Variants in ANO4 observed in about 807,000 individuals in gnomAD.
The protein encoded by ANO4 is anoctamin-4.
Under a neutral mutation model 141.9 loss-of-function variants are expected in ANO4, and 69 were observed. The observed-to-expected ratio is 0.49, with a 90% confidence interval of 0.40 to 0.59. The LOEUF is 0.59. ANO4 is among the 20% of genes least tolerant of loss of function. The pLI is 0.00. For synonymous variants in ANO4, 350 were observed against 394.3 expected, an observed-to-expected ratio of 0.89 and a Z score of 1.33; for missense variants, 894 against 1,162.2, an observed-to-expected ratio of 0.77 and a Z score of 3.36.
chr12:100,961,164 T>A (rs2043402094), intron 5 of ANO4, among the ~76,000 whole-genome samples: 1 of 152,216 alleles, frequency 6.6e-6, no homozygotes, highest in Admixed American at 6.5e-5. Context: ...GCCTATGCAC[T>A]AGGCAACACA....
chr12:100,740,218 C>T (rs1178372197), intron 3 of ANO4: 19 of 648,540 alleles, frequency 2.9e-5, no homozygotes, highest in Non-Finnish European at 4.8e-5. Context: ...ATATGATGGA[C>T]CCCAACAATA....
chr12:100,920,008 C>T lies in ANO4; in HGVS notation c.56-2218C>T, dbSNP rs980593562. On this transcript the variant is annotated intron_variant, in intron 2 of 27. Transcript: ENST00000392977. The stretch of plus-strand genomic sequence containing the variant: ...TTAAAAATTCTAGTTATCTAGTAGT[C>T]ATAGCTACTTCTACCTGAGTTTATG... Among the ~76,000 whole-genome samples, 10 of 151,970 alleles carry T rather than the reference C, an allele frequency of 6.6e-5. No individual in the cohort carries two copies. The East Asian group carries it at 1.9e-3, about 29-fold the overall frequency.
At chr12:101,052,286 C>T (rs11110632) in intron 14 of ANO4, among the ~76,000 whole-genome samples, 279 of 151,960 alleles carry the variant, frequency 1.8e-3, no homozygotes, top group Non-Finnish European at 3.5e-3. Flanking sequence ...GCCTGGGTCT[C>T]GGCTGGAATT....
intron 1 of ANO4, among the ~76,000 whole-genome samples, chr12:100,802,012 T>C (rs1399595906): frequency 6.6e-6 from 1 of 152,142 alleles, no homozygotes; most frequent in Admixed American, 6.5e-5. Flanking sequence ...CACCCATCCC[T>C]TTTGCCCTTG....
At chr12:100,973,982 G>A (rs1010460103) in intron 6 of ANO4, among the ~76,000 whole-genome samples, 2 of 152,146 alleles carry the variant, frequency 1.3e-5, no homozygotes, top group Non-Finnish European at 2.9e-5. Flanking sequence ...ACCATTTACA[G>A]AAGTCAGAGA....
intron 5 of ANO4, among the ~76,000 whole-genome samples, chr12:100,964,385 G>C (rs866599117): frequency 6.6e-6 from 1 of 152,130 alleles, no homozygotes; most frequent in Non-Finnish European, 1.5e-5. Context: ...GTATGCAAAA[G>C]CTTTGAAACA....
chr12:100,977,232 C>A (rs1192770678), intron 7 of ANO4, among the ~76,000 whole-genome samples: 1 of 152,068 alleles, frequency 6.6e-6, no homozygotes. Context: ...TTCTTTCTGT[C>A]GTGCTTCTGA....
intron 17 of ANO4, among the ~76,000 whole-genome samples, chr12:101,090,984 C>T (rs866143253): frequency 6.6e-6 from 1 of 152,144 alleles, no homozygotes; most frequent in Non-Finnish European, 1.5e-5. Context: ...TTACAAAGCA[C>T]CTGCTATATG....
intron 7 of ANO4, among the ~76,000 whole-genome samples, chr12:100,978,224 A>G (rs1460275781): frequency 6.6e-6 from 1 of 152,256 alleles, no homozygotes; most frequent in Non-Finnish European, 1.5e-5. Context: ...TGAACAAATG[A>G]ATCTCCACAT....
chr12:101,019,942 C>A, intron 8 of ANO4, 92 bp from the exon 9 acceptor site: 1 of 940,398 alleles, frequency 1.1e-6, no homozygotes, highest in Non-Finnish European at 1.7e-6. Flanking sequence ...TGACTGAAGA[C>A]ATCTGCATCT....
chr12:100,827,032 T>C (rs1249628861), intron 1 of ANO4, among the ~76,000 whole-genome samples: 4 of 152,082 alleles, frequency 2.6e-5, no homozygotes, highest in Non-Finnish European at 5.9e-5. Flanking sequence ...AGGCCAACTT[T>C]TAAAGCCTGT....
intron 14 of ANO4, among the ~76,000 whole-genome samples, chr12:101,054,829 T>C (rs1458048152): frequency 6.7e-6 from 1 of 150,162 alleles, no homozygotes; most frequent in Non-Finnish European, 1.5e-5. Flanking sequence ...CTCATGCCTC[T>C]GCAGTCAGTC....
At chr12:100,870,813 C>G (rs2038995158) in intron 1 of ANO4, among the ~76,000 whole-genome samples, 1 of 152,054 alleles carries the variant, frequency 6.6e-6, no homozygotes, top group Admixed American at 6.6e-5. Context: ...ATTAGAGTTC[C>G]AAATGTATAA....
intron 14 of ANO4, among the ~76,000 whole-genome samples, chr12:101,074,770 C>A (rs2048958443): frequency 6.6e-6 from 1 of 152,170 alleles, no homozygotes; most frequent in South Asian, 2.1e-4. Context: ...AGTGTAGCTG[C>A]ATATTCTTCA....
intron 3 of ANO4, chr12:100,740,146 G>A (rs1291987702): frequency 2.9e-6 from 2 of 693,134 alleles, no homozygotes; most frequent in Non-Finnish European, 5.3e-6. Flanking sequence ...GACTGGGTGT[G>A]TATAAGATTC....
At chr12:100,781,132 CTCAA>C (rs1375419458) in intron 3 of ANO4, among the ~76,000 whole-genome samples, 1 of 152,188 alleles carries the variant, frequency 6.6e-6, no homozygotes, top group African/African-American at 2.4e-5. Flanking sequence ...GTCTCAGCTA[CTCAA>C]TCACTCAATT....
intron 1 of ANO4, among the ~76,000 whole-genome samples, chr12:100,864,441 C>G (rs765155219): frequency 3.3e-5 from 5 of 152,156 alleles, no homozygotes; most frequent in Admixed American, 6.5e-5. Flanking sequence ...TGATTCCTAT[C>G]CAGAATTCTG....
chr12:101,015,176 T>G (rs1456754561), intron 8 of ANO4, among the ~76,000 whole-genome samples: 1 of 152,160 alleles, frequency 6.6e-6, no homozygotes, highest in East Asian at 1.9e-4. Context: ...TGGTAAAAAT[T>G]TCCTAAGTAT....
At chr12:100,966,672 C>T (rs1249941778) in intron 5 of ANO4, among the ~76,000 whole-genome samples, 3 of 152,050 alleles carry the variant, frequency 2.0e-5, no homozygotes, top group Non-Finnish European at 4.4e-5. Context: ...TATGATCTAC[C>T]TCTGTACCCC....
Sources: gnomAD v4.1 joint callset for allele counts (sites outside exome capture counted in the v4.1 genomes callset) on GRCh38, gnomAD v4.1.1 for gene constraint, MANE v1.5 for transcripts, NCBI Gene and HGNC (gene_info 2026-07-23, HGNC 2026-07-21) for gene names.